The following LIN28B variants were observed in gnomAD, a reference collection of about 807,000 sequenced individuals.
The protein encoded by LIN28B is protein lin-28 homolog B.
A neutral mutation model predicts 21.9 loss-of-function variants in LIN28B; 5 were observed. That is an observed-to-expected ratio of 0.23 (90% confidence interval 0.12 to 0.48). The LOEUF (loss-of-function observed/expected upper bound fraction) is 0.48. LIN28B is among the 20% of genes least tolerant of loss of function. LIN28B has a pLI of 0.98. For synonymous variants in LIN28B, 109 were observed against 111.3 expected (o/e 0.98, Z 0.13); for missense variants, 245 against 310.5 (o/e 0.79, Z 1.58).
intron 2 of LIN28B, among the ~76,000 whole-genome samples, chr6:104,986,519 T>G (rs1191260619): frequency 2.2e-5 from 3 of 134,556 alleles, no homozygotes; most frequent in Non-Finnish European, 4.7e-5. Flanking sequence ...TTAGTCAGCT[T>G]GTTCATTTCT....
intron 2 of LIN28B, among the ~76,000 whole-genome samples, chr6:104,949,145 G>A (rs1445246953): frequency 6.6e-6 from 1 of 151,974 alleles, no homozygotes; most frequent in Non-Finnish European, 1.5e-5. Context: ...ATAGGCTGTG[G>A]ACTATTAGAA....
intron 2 of LIN28B, among the ~76,000 whole-genome samples, chr6:104,978,638 G>T (rs1770157256): frequency 1.3e-5 from 2 of 151,808 alleles, no homozygotes; most frequent in Non-Finnish European, 2.9e-5. Context: ...CGATAAAAGG[G>T]GTGATGGAGC....
chr6:105,036,544 T>A (rs1280409746), intron 3 of LIN28B, among the ~76,000 whole-genome samples: 3 of 152,220 alleles, frequency 2.0e-5, no homozygotes, highest in African/African-American at 7.2e-5. Flanking sequence ...CTCTCCCTGC[T>A]GTGACCTCTG....
intron 3 of LIN28B, among the ~76,000 whole-genome samples, chr6:105,036,179 G>T (rs552534480): frequency 1.3e-5 from 2 of 151,512 alleles, no homozygotes; most frequent in African/African-American, 4.9e-5. Context: ...CTATATTTTG[G>T]TCCCTGTAAG....
chr6:104,955,065 T>C (rs1278908363), upstream of LIN28B, among the ~76,000 whole-genome samples: 1 of 152,216 alleles, frequency 6.6e-6, no homozygotes. Context: ...TTTCCTCTTA[T>C]ACCAGATGTT....
At position 104,966,614 on chromosome 6, in the gene LIN28B, G is replaced by A. The variant is rs1011337859; in HGVS notation, c.198+8328G>A. Among the ~76,000 whole-genome samples, 6 of 145,926 alleles carry A rather than the reference G, an allele frequency of 4.1e-5. No homozygotes were observed. In the East Asian group the frequency reaches 1.0e-3, roughly 24 times the overall value. On this transcript the variant is annotated intron_variant, in intron 2 of 3. Transcript: ENST00000345080. ...ATTCTAGGTGTGCATCACCATGCCC[G>A]GCTGATTTTTTTTTTTTTTTTTTTT...
intron 3 of LIN28B, among the ~76,000 whole-genome samples, chr6:105,040,597 G>A (rs972053730): frequency 4.6e-5 from 7 of 151,642 alleles, no homozygotes; most frequent in African/African-American, 1.4e-4. Flanking sequence ...CATATAATGG[G>A]GTAGGTGTTC....
intron 2 of LIN28B, among the ~76,000 whole-genome samples, chr6:104,948,351 C>T (rs1454825165): frequency 2.0e-5 from 3 of 152,108 alleles, no homozygotes; most frequent in Non-Finnish European, 4.4e-5. Flanking sequence ...CCTGTAATCC[C>T]AGCTACTCGG....
rs183140457 is a variant in LIN28B, at chr6:104,978,628, C to T, written c.198+20342C>T. 9.9e-5 allele frequency among the ~76,000 whole-genome samples: 15 copies of T among 151,084 alleles called. No individual in the cohort carries two copies. In the East Asian group the frequency reaches 1.2e-3, roughly 12 times the overall value. Reference sequence around the variant, plus strand: ...CAATTGCTATAATGCAGAGTGAGTCCGATAAAAGGGGTGATGGAGCCAAAT... The same window carrying T: ...CAATTGCTATAATGCAGAGTGAGTCTGATAAAAGGGGTGATGGAGCCAAAT... On this transcript the variant is annotated intron_variant, in intron 2 of 3. Coordinates refer to ENST00000345080, the MANE Select transcript of LIN28B (RefSeq NM_001004317.4).
intron 3 of LIN28B, among the ~76,000 whole-genome samples, chr6:105,046,090 A>G (rs1338735627): frequency 6.6e-6 from 1 of 152,174 alleles, no homozygotes; most frequent in Admixed American, 6.5e-5. Context: ...ATATGTATAC[A>G]TGCGCCATGT....
Position 105,024,665 on chromosome 6 carries a change from C to T in LIN28B, c.199-1633C>T, listed in dbSNP as rs144061285. Among the ~76,000 whole-genome samples the T allele has an allele frequency of 3.1e-3, 470 of 152,292 alleles. 6 individuals are homozygous for T. Among genetic ancestry groups the T allele is most frequent in the African/African-American group, 0.011 (449 of 41,562 alleles). On this transcript the variant is annotated intron_variant, in intron 2 of 3. Transcript: ENST00000345080. The stretch of plus-strand genomic sequence containing the variant: ...CTTCCACATGAAAGATTTCACTATG[C>T]CAGGTGACCTGCACTAGAAGCAGGT...
chr6:104,982,880 C>T (rs1056101386), intron 2 of LIN28B, among the ~76,000 whole-genome samples: 4 of 152,156 alleles, frequency 2.6e-5, no homozygotes, highest in African/African-American at 9.7e-5. Flanking sequence ...CTTGCTGTAA[C>T]CTCAAGCTCA....
chr6:104,945,537 G>T (rs930885843), intron 2 of LIN28B, among the ~76,000 whole-genome samples: 1 of 151,986 alleles, frequency 6.6e-6, no homozygotes, highest in South Asian at 2.1e-4. Context: ...CCACTTTAAA[G>T]TTTTGTCTTA....
At chr6:105,051,307 C>T (rs178362) in intron 3 of LIN28B, among the ~76,000 whole-genome samples, 112,578 of 150,740 alleles carry the variant, frequency 0.75, 44,233 homozygotes, top group Non-Finnish European at 0.86. Context: ...GGCGTGGTGG[C>T]GTGCACCTGT....
At chr6:104,954,758 G>T (rs1224508110), upstream of LIN28B, among the ~76,000 whole-genome samples, 1 of 152,012 alleles carries the variant, frequency 6.6e-6, no homozygotes, top group Non-Finnish European at 1.5e-5. Flanking sequence ...CCCCAATCAG[G>T]CAAGACTGTG....
At chr6:105,021,105 A>G (rs1427196328) in intron 2 of LIN28B, among the ~76,000 whole-genome samples, 5 of 151,988 alleles carry the variant, frequency 3.3e-5, no homozygotes, top group African/African-American at 9.7e-5. Context: ...GCATCCACTT[A>G]TTAGTGAGAA....
chr6:105,021,124 A>G (rs1166849980), intron 2 of LIN28B, among the ~76,000 whole-genome samples: 1 of 152,032 alleles, frequency 6.6e-6, no homozygotes. Context: ...AACATGTGAT[A>G]TTTGACTTTC....
At chr6:104,974,852 C>G (rs1008347238) in intron 2 of LIN28B, among the ~76,000 whole-genome samples, 1 of 152,016 alleles carries the variant, frequency 6.6e-6, no homozygotes, top group Non-Finnish European at 1.5e-5. Context: ...TGGAGTCTCA[C>G]TCTGTTGCCC....
At chr6:105,031,545 T>C (rs1171380356) in intron 3 of LIN28B, among the ~76,000 whole-genome samples, 2 of 151,440 alleles carry the variant, frequency 1.3e-5, no homozygotes, top group Non-Finnish European at 2.9e-5. Context: ...TTTTTCTTTT[T>C]TTTTTTGAAA....
Sources: allele counts gnomAD v4.1 joint callset (sites outside exome capture counted in the v4.1 genomes callset), GRCh38; gene constraint gnomAD v4.1.1; transcripts MANE v1.5; gene names NCBI Gene and HGNC (gene_info 2026-07-23, HGNC 2026-07-21).